Variants in NEK6 observed in about 807,000 individuals in gnomAD.
The protein encoded by NEK6 is NIMA related kinase 6, also known as serine/threonine-protein kinase Nek6.
NEK6 carries 27 observed loss-of-function variants against 43.5 expected under a neutral mutation model. The ratio of observed to expected loss-of-function variants is 0.62; its 90% CI spans 0.46 to 0.86. The LOEUF is 0.86. Among genes scored for constraint, NEK6 ranks in the 40% least tolerant of loss-of-function variants. The pLI is 0.00. For missense variants in NEK6, 318 were observed against 414.4 expected (o/e 0.77, Z 2.02); for synonymous variants, 167 against 164.1 (o/e 1.02, Z -0.14).
At chr9:124,295,218 G>A (rs1307918623) in intron 1 of NEK6, among the ~76,000 whole-genome samples, 1 of 152,256 alleles carries the variant, frequency 6.6e-6, no homozygotes, top group East Asian at 1.9e-4. Context: ...TCATGGAGCT[G>A]CAGAATCCGG....
At chr9:124,327,564 A>G (rs1834411335) in intron 7 of NEK6, 119 bp downstream of exon 7, 1 of 787,454 alleles carries the variant, frequency 1.3e-6, no homozygotes, top group African/African-American at 1.7e-5. Flanking sequence ...GCCTTTTTTA[A>G]GCCCCAGGGT....
At chr9:124,338,181 A>G (rs1451008098) in intron 7 of NEK6, among the ~76,000 whole-genome samples, 1 of 152,158 alleles carries the variant, frequency 6.6e-6, no homozygotes, top group East Asian at 1.9e-4. Flanking sequence ...GGGTTTCACC[A>G]TGTTGGCCAT....
chr9:124,314,135 C>T (rs1402755798), intron 4 of NEK6, 150 bp downstream of exon 4: 6 of 718,332 alleles, frequency 8.4e-6, no homozygotes, highest in Admixed American at 2.6e-5. Flanking sequence ...GGGGCAGCGG[C>T]TAGTGAGTTT....
At chr9:124,267,135 C>T (rs1163899938) in intron 1 of NEK6, among the ~76,000 whole-genome samples, 1 of 152,240 alleles carries the variant, frequency 6.6e-6, no homozygotes, top group South Asian at 2.1e-4. Context: ...AACCAAGCCA[C>T]CTCTGAGCAC....
At chr9:124,281,989 A>T (rs1201981211) in intron 1 of NEK6, among the ~76,000 whole-genome samples, 1 of 152,188 alleles carries the variant, frequency 6.6e-6, no homozygotes, top group Non-Finnish European at 1.5e-5. Flanking sequence ...GCAGACTTTG[A>T]TGCCTCAAGA....
intron 7 of NEK6, among the ~76,000 whole-genome samples, chr9:124,327,951 G>A (rs914849746): frequency 7.2e-5 from 11 of 152,188 alleles, no homozygotes; most frequent in Admixed American, 1.3e-4. Context: ...AGGGAGCAGC[G>A]TTCCAGGAAA....
chr9:124,345,353 C>T (rs1829864082), intron 8 of NEK6, among the ~76,000 whole-genome samples: 2 of 152,178 alleles, frequency 1.3e-5, no homozygotes, highest in South Asian at 2.1e-4. Flanking sequence ...GGCCCATGGC[C>T]GGCAGCAGAG....
At chr9:124,349,076 C>T (rs533007345) in intron 9 of NEK6, among the ~76,000 whole-genome samples, 1 of 152,362 alleles carries the variant, frequency 6.6e-6, no homozygotes, top group African/African-American at 2.4e-5. Flanking sequence ...AGGCCGGAGG[C>T]TCCTCGCAGG....
chr9:124,308,697 G>A lies in NEK6; in HGVS notation c.91-3812G>A, dbSNP rs1055807768. 5.3e-5 allele frequency among the ~76,000 whole-genome samples: 8 copies of A among 151,296 alleles called. 1 individual carries two copies. Among genetic ancestry groups the A allele is most frequent in the South Asian group, 4.2e-4 (2 of 4,774 alleles). ...AAAACCAGTTTTCTGAAAGGCCATC[G>A]GGGTGGTCGGTCATTAGTCAGCAGT... is the stretch of plus-strand genomic sequence containing the variant. On this transcript the variant is annotated intron_variant, in intron 2 of 9. Transcript: ENST00000320246.
At chr9:124,348,053 C>T (rs530349379) in intron 9 of NEK6, among the ~76,000 whole-genome samples, 1 of 152,350 alleles carries the variant, frequency 6.6e-6, no homozygotes, top group South Asian at 2.1e-4. Context: ...ACCAGTGGCA[C>T]GTGGCCCTTG....
At chr9:124,295,342 A>G (rs1466527563) in intron 1 of NEK6, among the ~76,000 whole-genome samples, 4 of 152,156 alleles carry the variant, frequency 2.6e-5, no homozygotes, top group Non-Finnish European at 5.9e-5. Flanking sequence ...ACAGGCCCCC[A>G]TGACTCTGGC....
At chr9:124,296,873 T>C (rs1832715320) in intron 1 of NEK6, among the ~76,000 whole-genome samples, 1 of 152,222 alleles carries the variant, frequency 6.6e-6, no homozygotes, top group Non-Finnish European at 1.5e-5. Flanking sequence ...AATGACAGCC[T>C]TGGTCAGAAA....
chr9:124,303,273 T>A (rs1051632974), intron 2 of NEK6, among the ~76,000 whole-genome samples: 1 of 151,838 alleles, frequency 6.6e-6, no homozygotes, highest in African/African-American at 2.4e-5. Context: ...TCAGGGGAGG[T>A]TCAGAGATAG....
chr9:124,338,398 T>C (rs975550229), intron 7 of NEK6, among the ~76,000 whole-genome samples: 2 of 152,218 alleles, frequency 1.3e-5, no homozygotes, highest in Non-Finnish European at 2.9e-5. Context: ...TTTTGCTCAT[T>C]TGAATAAGGG....
At chr9:124,305,553 C>CAAA (rs11445181) in intron 2 of NEK6, among the ~76,000 whole-genome samples, 1 of 123,710 alleles carries the variant, frequency 8.1e-6, no homozygotes, top group Non-Finnish European at 1.7e-5. Flanking sequence ...GACCCCATCT[C>CAAA]AAAAAAAAAA....
chr9:124,349,718 G>T (rs1265491908), intron 9 of NEK6, among the ~76,000 whole-genome samples: 2 of 152,208 alleles, frequency 1.3e-5, no homozygotes, highest in Admixed American at 1.3e-4. Context: ...GTTTTCTTGG[G>T]TATTTTAACC....
At chr9:124,286,237 T>TCC (rs935589779) in intron 1 of NEK6, among the ~76,000 whole-genome samples, 2 of 152,210 alleles carry the variant, frequency 1.3e-5, no homozygotes, top group Non-Finnish European at 2.9e-5. Flanking sequence ...GTTCTTTTTT[T>TCC]CCCCTCTCTT....
At position 124,302,072 on chromosome 9, in the gene NEK6, G is replaced by T; in HGVS notation, c.90+18G>T. On this transcript the variant is annotated intron_variant, in intron 2 of 9. Coordinates refer to ENST00000320246, the MANE Select transcript of NEK6 (RefSeq NM_014397.6). ...ACCCACAGGTAAGCCCCTTACCTTT[G>T]TCTGCAGCACACTGAAGAGTTCCCA... is the stretch of plus-strand genomic sequence containing the variant. 1.3e-6 allele frequency: 2 copies of T among 1,557,732 alleles called. No homozygotes were observed. Among genetic ancestry groups the T allele is most frequent in the African/African-American group, 1.4e-5 (1 of 73,648 alleles).
chr9:124,298,243 C>T (rs2119108524), intron 1 of NEK6, among the ~76,000 whole-genome samples: 1 of 152,082 alleles, frequency 6.6e-6, no homozygotes, highest in East Asian at 1.9e-4. Context: ...CACCTCCTTC[C>T]CCTCAGCAGG....
Sources: allele counts gnomAD v4.1 joint callset (sites outside exome capture counted in the v4.1 genomes callset), GRCh38; gene constraint gnomAD v4.1.1; transcripts MANE v1.5; gene names NCBI Gene and HGNC (gene_info 2026-07-23, HGNC 2026-07-21).